Variants in PDZD7 observed in about 807,000 individuals in gnomAD.
The protein encoded by PDZD7 is PDZ domain containing 7, also known as PDZ domain-containing protein 7.
Under a neutral mutation model 84.7 loss-of-function variants are expected in PDZD7, and 72 were observed. The observed-to-expected ratio is 0.85, with a 90% CI of 0.70 to 1.03. The LOEUF (loss-of-function observed/expected upper bound fraction) is 1.03. Among genes scored for constraint, PDZD7 ranks in the 50% least tolerant of loss-of-function variants. The pLI, the probability that PDZD7 is intolerant of heterozygous loss-of-function variation, is 0.00. For synonymous variants in PDZD7, 594 were observed against 580.7 expected (o/e 1.02, Z -0.33); for missense variants, 1,490 against 1,412.9 (o/e 1.05, Z -0.87).
intron 10 of PDZD7, 67 bp from the exon 11 acceptor site, chr10:101,015,878 G>C (rs1852601079): frequency 6.8e-7 from 1 of 1,481,158 alleles, no homozygotes; most frequent in Admixed American, 2.3e-5. Flanking sequence ...CCCCAGAATT[G>C]GCCAGCTGAG....
At chr10:101,017,849 A>C (rs1852735774) in intron 9 of PDZD7, 3 of 345,802 alleles carry the variant, frequency 8.7e-6, no homozygotes, top group Non-Finnish European at 1.5e-5. Context: ...GAAAGAAAGA[A>C]AGAAAGAAAG....
intron 2 of PDZD7, among the ~76,000 whole-genome samples, chr10:101,028,731 A>T (rs1937871042): frequency 6.6e-6 from 1 of 152,216 alleles, no homozygotes. Context: ...GAATGGGACT[A>T]ATAAAGACAG....
intron 11 of PDZD7, among the ~76,000 whole-genome samples, chr10:101,014,817 C>T (rs1329449948): frequency 6.6e-6 from 1 of 152,182 alleles, no homozygotes; most frequent in Non-Finnish European, 1.5e-5. Flanking sequence ...TACAACACAG[C>T]CCCACTTTGA....
Position 101,018,991 on chromosome 10 carries a change from G to C in PDZD7, c.1155C>G (p.Ser385Arg), listed in dbSNP as rs1289499429. 3 of 1,581,802 alleles carry C rather than the reference G, an allele frequency of 1.9e-6. No individual in the cohort carries two copies. Among genetic ancestry groups the C allele is most frequent in the Non-Finnish European group, 2.6e-6 (3 of 1,165,478 alleles). ...CCCTGAGGATGACTGTGGGCCGCAC[G>C]CTGCACCAGGTCTCCACCCGGCCTC... ...DAGGRVETWC[S>R]VRPTVILRDT... is the part of the protein sequence containing the mutation. The change falls in exon 8 of 17, where the codon AGC becomes AGG. Residue 385 changes from serine to arginine, a missense_variant. Coordinates refer to ENST00000619208, the MANE Select transcript of PDZD7 (RefSeq NM_001195263.2).
At chr10:101,012,136 C>T (rs550721034) in intron 12 of PDZD7, 31 bp downstream of exon 12, 4 of 1,544,466 alleles carry the variant, frequency 2.6e-6, no homozygotes, top group South Asian at 2.4e-5. Flanking sequence ...CCCCTTCCTG[C>T]CCCCAAGCCC....
In PDZD7 at chr10:101,018,172, G is replaced by T. The variant is rs778296630; in HGVS notation, c.1449C>A (p.Asp483Glu). Residue 483 changes from aspartate to glutamate, a missense_variant, in exon 9 of 17, where the codon GAC (aspartate) becomes GAA (glutamate). Coordinates refer to ENST00000619208, the MANE Select transcript of PDZD7 (RefSeq NM_001195263.2). ...CCAGTGTCCAGGCCTCTCTGCGCCC[G>T]TCCCGCGCTAGCCTCCCCTGCCGCC... The part of the protein sequence containing the change: ...KGGRQGRLAR[D>E]GRREAWTLDS... 8 of 1,614,198 alleles carry T rather than the reference G, an allele frequency of 5.0e-6. No homozygotes were observed. In the South Asian group the frequency reaches 8.8e-5, roughly 18 times the overall value.
chr10:101,022,916 G>T (rs559653109), intron 4 of PDZD7, among the ~76,000 whole-genome samples: 2 of 151,986 alleles, frequency 1.3e-5, no homozygotes, highest in Non-Finnish European at 2.9e-5. Context: ...GGGATTACAG[G>T]CATGCTCCAC....
chr10:101,018,171 C>T lies in PDZD7; in HGVS notation c.1450G>A (p.Gly484Arg), dbSNP rs186148212. 4.3e-6 allele frequency: 7 copies of T among 1,614,236 alleles called. No homozygotes were observed. The African/African-American group carries it at 9.3e-5, about 22-fold the overall frequency. The change falls in exon 9 of 17, where the codon GGG (glycine) becomes AGG (arginine). Residue 484 changes from glycine to arginine, a missense_variant. Transcript: ENST00000619208. ...TCCAGTGTCCAGGCCTCTCTGCGCC[C>T]GTCCCGCGCTAGCCTCCCCTGCCGC... ...GGRQGRLARD[G>R]RREAWTLDSG...
Position 101,023,441 on chromosome 10 carries a change from G to T in PDZD7, c.537C>A (p.Thr179=). Residue 179 remains threonine (T), a synonymous_variant, in exon 4 of 17, where the codon ACC becomes ACA. Transcript: ENST00000619208. ...ATGAGGGAGTTGCTGCTCACCACGT[G>T]GTCTTCTCCTTGGAGAACTTGATGC... ...VPGIKFSKEK[T]TWVDVVNRRL... is the part of the protein sequence containing the mutation. 3 of 1,614,016 alleles carry T rather than the reference G, an allele frequency of 1.9e-6. No individual in the cohort carries two copies. The highest frequency in any genetic ancestry group is 2.5e-6 in the Non-Finnish European group (3 of 1,180,008).
chr10:101,030,285 CCT>C lies in PDZD7; in HGVS notation c.-68_-67del. The C allele has an allele frequency of 7.1e-7, 1 of 1,417,204 alleles. No homozygotes were observed. Among genetic ancestry groups the C allele is most frequent in the Non-Finnish European group, 9.7e-7 (1 of 1,035,326 alleles). The allele number at this position is 1,417,204 out of a possible 1,614,324, so 87.8% of individuals were successfully genotyped here. On this transcript the variant is annotated 5_prime_UTR_variant, in exon 2 of 17. It introduces an in-frame stop codon into an upstream open reading frame of the 5' UTR. Transcript: ENST00000619208. Reference sequence around the variant, plus strand: ...ATCTGCTAGCTCTGGAGAGGCCAGCCCTGCGTGCTTCGAGCTCCATGAGCCTC... The same window carrying C: ...ATCTGCTAGCTCTGGAGAGGCCAGCCGCGTGCTTCGAGCTCCATGAGCCTC...
intron 2 of PDZD7, 30 bp downstream of exon 2, chr10:101,029,964 C>G: frequency 1.3e-6 from 1 of 759,972 alleles, no homozygotes; most frequent in Non-Finnish European, 2.2e-6. Flanking sequence ...CCCTCCCCAA[C>G]CCAGGCCAGT....
At position 101,012,029 on chromosome 10, in the gene PDZD7, G is replaced by A. The variant is rs948487802; in HGVS notation, c.1842-13C>T. ...GGCCACCACACTCCTGGGAGAGGGC[G>A]AGAGACAGCAGGGGTGGGAGGGGCA... On this transcript the variant is annotated splice_polypyrimidine_tract_variant and intron_variant, in intron 12 of 16. Coordinates refer to ENST00000619208, the MANE Select transcript of PDZD7 (RefSeq NM_001195263.2). The A allele has an allele frequency of 2.1e-5, 33 of 1,548,096 alleles. No homozygotes were observed. The highest frequency in any genetic ancestry group is 1.7e-4 in the Middle Eastern group (1 of 5,940).
At chr10:101,011,603 A>T in intron 14 of PDZD7, 87 bp downstream of exon 14, 2 of 1,508,802 alleles carry the variant, frequency 1.3e-6, no homozygotes, top group Non-Finnish European at 1.8e-6. Flanking sequence ...AACTGCCCCT[A>T]GTGGGGAAAG....
rs528534209 is a variant in PDZD7 at position 101,020,117 on chromosome 10, A to G, written c.928+501T>C. On this transcript the variant is annotated intron_variant, in intron 7 of 16. Transcript: ENST00000619208. ...TAATTTTTAAATTATTATTATTATT[A>G]TTATTATTTTGAGATGGAGTTTCAC... 6.7e-5 allele frequency among the ~76,000 whole-genome samples: 10 copies of G among 149,304 alleles called. No individual in the cohort carries two copies. In the East Asian group the frequency reaches 1.8e-3, roughly 27 times the overall value.
intron 10 of PDZD7, 87 bp from the exon 11 acceptor site, chr10:101,015,898 A>G (rs1222071312): frequency 1.4e-6 from 2 of 1,403,346 alleles, no homozygotes; most frequent in Non-Finnish European, 1.9e-6. Flanking sequence ...GAGCCCAGGT[A>G]CCTGGGGCAG....
chr10:101,018,249 T>C lies in PDZD7; in HGVS notation c.1372A>G (p.Lys458Glu), dbSNP rs759513929. 6.8e-6 allele frequency: 11 copies of C among 1,613,884 alleles called. No homozygotes were observed. The highest frequency in any genetic ancestry group is 1.7e-4 in the Middle Eastern group (1 of 6,018). ...GTCTTGGAGCGCTGCAGGGCACCCTTCTCCCCAGGGGACCCCGACTTCTCC... is the reference window on the plus strand; with the variant it reads ...GTCTTGGAGCGCTGCAGGGCACCCTCCTCCCCAGGGGACCCCGACTTCTCC... ...KKEKSGSPGE[K>E]GALQRSKTLM... is the part of the protein sequence containing the mutation. Residue 458 changes from lysine to glutamate, a missense_variant, in exon 9 of 17, where the codon AAG (lysine) becomes GAG (glutamate). Coordinates refer to ENST00000619208, the MANE Select transcript of PDZD7 (RefSeq NM_001195263.2).
At position 101,008,640 on chromosome 10, in the gene PDZD7, G is replaced by A; in HGVS notation, c.2929C>T (p.His977Tyr). The change falls in exon 17 of 17, where the codon CAC becomes TAC. Residue 977 changes from histidine to tyrosine, a missense_variant. By Grantham distance (83) the His-to-Tyr change is moderately conservative. Transcript: ENST00000619208. ...ACTGGAGCAGCATCAAGGGGTTGGT[G>A]GGCAGGCAAGTGGTCAGCAGGAAGG... ...GGLPADHLPA[H>Y]QPLDAAPVPA... The A allele has an allele frequency of 6.5e-7, 1 of 1,535,916 alleles. No individual in the cohort carries two copies. Among genetic ancestry groups the A allele is most frequent in the Non-Finnish European group, 8.7e-7 (1 of 1,146,682 alleles).
At chr10:101,017,838 G>GAAA (rs1852726470) in intron 9 of PDZD7, 48 of 169,414 alleles carry the variant, frequency 2.8e-4, no homozygotes, top group Middle Eastern at 1.6e-3. Context: ...AAGGAAGGAA[G>GAAA]GAAAGAAAGA....
intron 11 of PDZD7, among the ~76,000 whole-genome samples, chr10:101,015,070 C>CT (rs553064686): frequency 3.4e-4 from 52 of 152,306 alleles, no homozygotes; most frequent in Non-Finnish European, 4.6e-4. Context: ...CGCTCTGGTT[C>CT]TTTTTGAAGT....
Sources: gnomAD v4.1 joint callset for allele counts (sites outside exome capture counted in the v4.1 genomes callset) on GRCh38, gnomAD v4.1.1 for gene constraint, MANE v1.5 for transcripts, NCBI Gene and HGNC (gene_info 2026-07-23, HGNC 2026-07-21) for gene names.